Variants in FBXO34 observed in about 807,000 individuals in gnomAD.
FBXO34 encodes F-box only protein 34.
In FBXO34, 12 loss-of-function variants were observed where a neutral mutation model predicts 24.5. That is an observed-to-expected ratio of 0.49 (90% CI 0.31 to 0.79). FBXO34 has a LOEUF of 0.79. Ranked by LOEUF, FBXO34 falls within the 30% of genes least tolerant of loss-of-function variation. The probability of loss-of-function intolerance (pLI) is 0.04; values close to 1 mark genes in which losing one functional copy is unlikely to be tolerated. For missense variants in FBXO34, 823 were observed against 857.7 expected, an observed-to-expected ratio of 0.96 and a Z score of 0.51; for synonymous variants, 320 against 311.9, an observed-to-expected ratio of 1.03 and a Z score of -0.27.
rs139291525 is a variant in FBXO34 at position 55,349,520 on chromosome 14, A to G, written c.-10-861A>G. On this transcript the variant is annotated intron_variant, in intron 1 of 1. Coordinates refer to ENST00000313833, the MANE Select transcript of FBXO34 (RefSeq NM_017943.4). ...GAAAATCAAGACTAATAGATGGGCA[A>G]AGTACACAGGAAGCAAATGAAAAAT... 3.3e-5 allele frequency among the ~76,000 whole-genome samples: 5 copies of G among 152,292 alleles called. No homozygotes were observed. The East Asian group carries it at 5.8e-4, about 18-fold the overall frequency.
At chr14:55,370,506 AAAC>A (rs1484986374), downstream of FBXO34, among the ~76,000 whole-genome samples, 1 of 152,204 alleles carries the variant, frequency 6.6e-6, no homozygotes, top group Non-Finnish European at 1.5e-5. Flanking sequence ...TTTCAGGAGA[AAAC>A]AATTTTTATT....
intron 1 of FBXO34, among the ~76,000 whole-genome samples, chr14:55,321,368 G>A (rs1381474139): frequency 6.6e-6 from 1 of 151,794 alleles, no homozygotes; most frequent in Non-Finnish European, 1.5e-5. Context: ...GTTGCCCAAA[G>A]TAGTTACATA....
chr14:55,352,639 C>A lies in FBXO34; in HGVS notation c.*113C>A. ...CATCACTCTAGAAGAATCTGTACAT[C>A]ATCAGGACTGCATTGCTCAGGCATT... On this transcript the variant is annotated 3_prime_UTR_variant, in exon 2 of 2. Coordinates refer to ENST00000313833, the MANE Select transcript of FBXO34 (RefSeq NM_017943.4). 1.1e-6 allele frequency: 1 copy of A among 877,880 alleles called. No individual in the cohort carries two copies. Among genetic ancestry groups the A allele is most frequent in the Non-Finnish European group, 1.7e-6 (1 of 582,168 alleles). The allele number at this position is 877,880 out of a possible 1,614,324, so 54.4% of individuals were successfully genotyped here. A position where few individuals can be genotyped will look rare whatever the true frequency, so the allele number is the denominator to read the frequency against.
chr14:55,437,051 A>T, the FBXO34 span: 1 of 1,578,726 alleles, frequency 6.3e-7, no homozygotes, highest in Non-Finnish European at 8.7e-7. Flanking sequence ...AGACAAAAAC[A>T]CAACAGACAG....
At chr14:55,366,452 A>G (rs754331351), downstream of FBXO34, 3 of 152,606 alleles carry the variant, frequency 2.0e-5, no homozygotes, top group Non-Finnish European at 4.4e-5. Context: ...GTATGACTCA[A>G]ACTGGTTTGG....
At chr14:55,334,597 T>C (rs1883712447) in intron 1 of FBXO34, among the ~76,000 whole-genome samples, 1 of 151,830 alleles carries the variant, frequency 6.6e-6, no homozygotes, top group South Asian at 2.1e-4. Flanking sequence ...GTGGTTTCAG[T>C]AGTTGCAGTG....
At chr14:55,281,537 A>G (rs1368299153) in intron 1 of FBXO34, among the ~76,000 whole-genome samples, 6 of 152,228 alleles carry the variant, frequency 3.9e-5, no homozygotes, top group African/African-American at 1.4e-4. Context: ...ACGTCATAAG[A>G]TAGTCCCACC....
chr14:55,378,400 C>T, the FBXO34 span, among the ~76,000 whole-genome samples: 5 of 152,330 alleles, frequency 3.3e-5, no homozygotes, highest in East Asian at 9.6e-4. Flanking sequence ...AAGATCTTGA[C>T]ACCTTTACAG....
At chr14:55,285,074 T>G (rs1193521045) in intron 1 of FBXO34, among the ~76,000 whole-genome samples, 1 of 149,356 alleles carries the variant, frequency 6.7e-6, no homozygotes, top group Non-Finnish European at 1.5e-5. Context: ...TTGTAAAGCT[T>G]CTTTCAAGAA....
intron 1 of FBXO34, among the ~76,000 whole-genome samples, chr14:55,297,097 C>T (rs1028637038): frequency 2.0e-5 from 3 of 152,156 alleles, no homozygotes; most frequent in Admixed American, 2.0e-4. Flanking sequence ...TTACAGTACA[C>T]GTGGCTGGCA....
chr14:55,311,775 T>A (rs1472626129), intron 1 of FBXO34, among the ~76,000 whole-genome samples: 1 of 152,020 alleles, frequency 6.6e-6, no homozygotes, highest in Non-Finnish European at 1.5e-5. Context: ...TTGCCCAGGC[T>A]GGAGTGCAGT....
At chr14:55,290,032 G>T (rs1881890590) in intron 1 of FBXO34, among the ~76,000 whole-genome samples, 1 of 152,092 alleles carries the variant, frequency 6.6e-6, no homozygotes, top group Non-Finnish European at 1.5e-5. Flanking sequence ...AATTCAGGAG[G>T]GTGATTTAGG....
At chr14:55,361,293 CA>C (rs1485349399) in intron 3 of FBXO34, among the ~76,000 whole-genome samples, 1 of 152,224 alleles carries the variant, frequency 6.6e-6, no homozygotes, top group African/African-American at 2.4e-5. Context: ...GGTACAATGT[CA>C]ATGGGCAGTA....
At chr14:55,405,889 C>CGG in the FBXO34 span, among the ~76,000 whole-genome samples, 23 of 39,810 alleles carry the variant, frequency 5.8e-4, no homozygotes, top group Non-Finnish European at 8.9e-4. Flanking sequence ...GGTGGGGTGG[C>CGG]GGGGGGGGCA....
chr14:55,436,807 G>T, the FBXO34 span: 1 of 1,614,238 alleles, frequency 6.2e-7, no homozygotes, highest in East Asian at 2.2e-5. Context: ...ATTTTCTTCA[G>T]TTTCGTGTTT....
At chr14:55,311,441 T>G (rs1436174062) in intron 1 of FBXO34, among the ~76,000 whole-genome samples, 1 of 152,168 alleles carries the variant, frequency 6.6e-6, no homozygotes, top group African/African-American at 2.4e-5. Context: ...CTTTTACATT[T>G]CAAAGCCAAT....
intron 1 of FBXO34, among the ~76,000 whole-genome samples, chr14:55,291,466 A>G (rs1327215711): frequency 6.6e-6 from 1 of 152,116 alleles, no homozygotes; most frequent in African/African-American, 2.4e-5. Context: ...TAGATGAGAA[A>G]CCCTTCTACT....
chr14:55,289,597 A>C (rs754937926), intron 1 of FBXO34, among the ~76,000 whole-genome samples: 1 of 152,176 alleles, frequency 6.6e-6, no homozygotes, highest in African/African-American at 2.4e-5. Flanking sequence ...GTGCAGTGGC[A>C]TGATCACAGT....
chr14:55,313,123 C>A (rs1292489590), intron 1 of FBXO34, among the ~76,000 whole-genome samples: 1 of 152,142 alleles, frequency 6.6e-6, no homozygotes, highest in Non-Finnish European at 1.5e-5. Flanking sequence ...TCCAAGTCAC[C>A]TCCTAAGCTT....
Sources: gnomAD v4.1 joint callset for allele counts (sites outside exome capture counted in the v4.1 genomes callset) on GRCh38, gnomAD v4.1.1 for gene constraint, MANE v1.5 for transcripts, NCBI Gene and HGNC (gene_info 2026-07-23, HGNC 2026-07-21) for gene names.